GABRR3: variants seen among roughly 807,000 people sequenced by gnomAD.
The protein encoded by GABRR3 is gamma-aminobutyric acid type A receptor subunit rho3.
In GABRR3, 29 loss-of-function variants were observed where a neutral mutation model predicts 43.2. The observed-to-expected ratio is 0.67, with a 90% CI of 0.50 to 0.92. GABRR3 has a LOEUF of 0.92. GABRR3 is among the 40% of genes least tolerant of loss of function. The pLI, the probability that GABRR3 is intolerant of heterozygous loss-of-function variation, is 0.00. For synonymous variants in GABRR3, 206 were observed against 195.9 expected (o/e 1.05, Z -0.43); for missense variants, 576 against 572.3 (o/e 1.01, Z -0.07).
intron 2 of GABRR3, among the ~76,000 whole-genome samples, chr3:98,031,288 G>T (rs1280960489): frequency 6.6e-6 from 1 of 152,146 alleles, no homozygotes; most frequent in Non-Finnish European, 1.5e-5. Context: ...CCTCATCTGT[G>T]AAATGAGGAA....
rs960024367 is a variant in GABRR3, at chr3:97,993,185, T to G, written c.908-137A>C. On this transcript the variant is annotated intron_variant, in intron 8 of 9. Coordinates refer to ENST00000621172, the Ensembl canonical transcript of GABRR3. ...AAGAGGAGGGAAGGTGTGTGCATGTTGACCAGCTATATATCTTGAGCCTAA... is the reference window on the plus strand; with the variant it reads ...AAGAGGAGGGAAGGTGTGTGCATGTGGACCAGCTATATATCTTGAGCCTAA... 2.4e-5 allele frequency: 14 copies of G among 576,540 alleles called. 1 individual carries two copies. In the East Asian group the frequency reaches 4.0e-4, roughly 16 times the overall value. The allele number at this position is 576,540 out of a possible 1,614,324, so 35.7% of individuals were successfully genotyped here.
At position 98,035,189 on chromosome 3, in the gene GABRR3, C is replaced by T. The variant is rs1316025126; in HGVS notation, c.-3+1G>A. On this transcript the variant is annotated splice_donor_variant, in intron 1 of 9. Transcript: ENST00000621172. LOFTEE classifies it low-confidence loss of function (5UTR_SPLICE). ...CACAGCACTTACAGGCAAATATCTA[C>T]CTGGATCTTCAGCAATTTGAGGAAA... 2 of 566,716 alleles carry T rather than the reference C, an allele frequency of 3.5e-6. No homozygotes were observed. Among genetic ancestry groups the T allele is most frequent in the African/African-American group, 1.9e-5 (1 of 52,936 alleles). The allele number at this position is 566,716 out of a possible 1,614,324, so 35.1% of individuals were successfully genotyped here. A position where few individuals can be genotyped will look rare whatever the true frequency, so the allele number is the denominator to read the frequency against.
chr3:97,989,765 T>G (rs1706438384), intron 9 of GABRR3, among the ~76,000 whole-genome samples: 1 of 152,058 alleles, frequency 6.6e-6, no homozygotes, highest in African/African-American at 2.4e-5. Flanking sequence ...ATACTGTCCT[T>G]CCAGGGATAG....
chr3:98,014,586 A>G (rs1706851668), intron 4 of GABRR3, among the ~76,000 whole-genome samples: 1 of 152,194 alleles, frequency 6.6e-6, no homozygotes, highest in African/African-American at 2.4e-5. Flanking sequence ...TTTAAGACTT[A>G]CATTGAGCTG....
intron 2 of GABRR3, among the ~76,000 whole-genome samples, chr3:98,027,998 C>A (rs186264355): frequency 5.3e-5 from 8 of 151,928 alleles, no homozygotes; most frequent in Admixed American, 5.2e-4. Context: ...TTTATCACTC[C>A]ATCATGTACC....
At chr3:98,004,890 T>C (rs1455680765) in intron 7 of GABRR3, among the ~76,000 whole-genome samples, 1 of 151,986 alleles carries the variant, frequency 6.6e-6, no homozygotes, top group Non-Finnish European at 1.5e-5. Context: ...GAAACTAGTC[T>C]GAAAAAGACA....
chr3:97,987,801 G>A (rs1706407242), intron 9 of GABRR3, among the ~76,000 whole-genome samples: 1 of 151,778 alleles, frequency 6.6e-6, no homozygotes, highest in African/African-American at 2.4e-5. Flanking sequence ...TATTGAGACA[G>A]GTTCTCACTC....
intron 4 of GABRR3, among the ~76,000 whole-genome samples, chr3:98,017,407 C>T (rs1028317429): frequency 1.3e-5 from 2 of 152,072 alleles, no homozygotes; most frequent in Admixed American, 6.5e-5. Context: ...TCATGATGTT[C>T]TACAGTGTTC....
intron 3 of GABRR3, 76 bp downstream of exon 3, chr3:98,025,491 G>T (rs1200515542): frequency 3.3e-6 from 3 of 922,646 alleles, no homozygotes; most frequent in South Asian, 1.9e-5. Flanking sequence ...TTGCATTTTG[G>T]TCTTGTTTTA....
chr3:98,027,456 A>G (rs767112332), intron 2 of GABRR3, among the ~76,000 whole-genome samples: 19 of 152,284 alleles, frequency 1.2e-4, no homozygotes, highest in Non-Finnish European at 2.1e-4. Context: ...CTTTTAATAC[A>G]GCTAAATGGC....
intron 8 of GABRR3, chr3:97,997,430 T>C (rs1368332667): frequency 1.3e-5 from 2 of 152,138 alleles, no homozygotes; most frequent in Non-Finnish European, 2.9e-5. Flanking sequence ...TTGAAAAATT[T>C]AAAAGCTATT....
intron 9 of GABRR3, among the ~76,000 whole-genome samples, chr3:97,989,672 C>A (rs969972523): frequency 1.3e-5 from 2 of 152,002 alleles, no homozygotes; most frequent in Non-Finnish European, 2.9e-5. Context: ...AAGAAACTGG[C>A]ACGTTTAGCT....
chr3:98,018,007 T>C (rs1320168110), intron 3 of GABRR3, among the ~76,000 whole-genome samples: 2 of 140,684 alleles, frequency 1.4e-5, no homozygotes, highest in Non-Finnish European at 3.0e-5. Flanking sequence ...CAGTTTTCTT[T>C]TTTTTTTTTT....
At chr3:98,009,097 C>A in intron 5 of GABRR3, 59 bp from the exon 6 acceptor site, 1 of 1,072,642 alleles carries the variant, frequency 9.3e-7, no homozygotes, top group Non-Finnish European at 1.4e-6. Context: ...GCCAAATGAG[C>A]ATGCAACATT....
chr3:98,020,777 T>C (rs1706932751), intron 3 of GABRR3, among the ~76,000 whole-genome samples: 1 of 152,140 alleles, frequency 6.6e-6, no homozygotes, highest in Non-Finnish European at 1.5e-5. Context: ...TCCAGATTTA[T>C]ACTGGTTCTG....
intron 9 of GABRR3, among the ~76,000 whole-genome samples, chr3:97,987,347 A>C (rs896736919): frequency 6.6e-6 from 1 of 152,116 alleles, no homozygotes; most frequent in Non-Finnish European, 1.5e-5. Context: ...AAACTGGTTT[A>C]TTTTTCTGAA....
chr3:98,033,666 A>G (rs895590638), intron 2 of GABRR3, among the ~76,000 whole-genome samples: 4 of 152,168 alleles, frequency 2.6e-5, no homozygotes, highest in Non-Finnish European at 4.4e-5. Flanking sequence ...GATAAAACAT[A>G]CTATAAAACG....
At chr3:97,991,741 G>A (rs1335407835) in intron 9 of GABRR3, among the ~76,000 whole-genome samples, 2 of 152,172 alleles carry the variant, frequency 1.3e-5, no homozygotes, top group African/African-American at 4.8e-5. Flanking sequence ...GGGCTGACAG[G>A]AAGGTTCGGT....
At chr3:97,989,528 A>T (rs1038621662) in intron 9 of GABRR3, among the ~76,000 whole-genome samples, 1 of 151,656 alleles carries the variant, frequency 6.6e-6, no homozygotes, top group Non-Finnish European at 1.5e-5. Flanking sequence ...GGATGGTAGT[A>T]GTAATGGTGG....
Sources: allele counts gnomAD v4.1 joint callset (sites outside exome capture counted in the v4.1 genomes callset), GRCh38; gene constraint gnomAD v4.1.1; transcripts MANE v1.5; gene names NCBI Gene and HGNC (gene_info 2026-07-23, HGNC 2026-07-21).